RGS18: variants seen among roughly 807,000 people sequenced by gnomAD.
RGS18 encodes regulator of G-protein signaling 18.
Under a neutral mutation model 27.6 loss-of-function variants are expected in RGS18, and 22 were observed. The observed-to-expected ratio is 0.80, with a 90% CI of 0.57 to 1.14. RGS18 has a LOEUF of 1.14. Ranked by LOEUF, RGS18 falls within the 50% of genes most tolerant of loss-of-function variation. The probability of loss-of-function intolerance (pLI) is 0.00; values close to 1 mark genes in which losing one functional copy is unlikely to be tolerated. For synonymous variants in RGS18, 89 were observed against 84.6 expected (o/e 1.05, Z -0.29); for missense variants, 299 against 269.6 (o/e 1.11, Z -0.76).
rs957642711 is a variant in RGS18 at position 192,179,819 on chromosome 1, G to T, written c.284-1473G>T. The stretch of plus-strand genomic sequence containing the variant: ...AGTTAAAAAAAATTACATGTGGGGA[G>T]ATGTAAATGTGGCTGTAAAAGGGCA... On this transcript the variant is annotated intron_variant, in intron 3 of 4. Coordinates refer to ENST00000367460, the MANE Select transcript of RGS18 (RefSeq NM_130782.3). Among the ~76,000 whole-genome samples the T allele has an allele frequency of 4.0e-5, 6 of 151,676 alleles. No homozygotes were observed. In the South Asian group the frequency reaches 1.0e-3, roughly 26 times the overall value.
At chr1:192,176,660 A>G (rs1447125791) in intron 3 of RGS18, among the ~76,000 whole-genome samples, 2 of 151,640 alleles carry the variant, frequency 1.3e-5, no homozygotes, top group Non-Finnish European at 2.9e-5. Flanking sequence ...GGCTTTGTCC[A>G]CTTCTAAAAT....
Position 192,185,655 on chromosome 1 carries a change from G to A in RGS18, c.*1101G>A, listed in dbSNP as rs143874409. Reference sequence around the variant, plus strand: ...TTTAATTTTTAATGTGTGTTACATGGTCTGTAAATATTTGTATTTAAAAAT... The same window carrying A: ...TTTAATTTTTAATGTGTGTTACATGATCTGTAAATATTTGTATTTAAAAAT... On this transcript the variant is annotated 3_prime_UTR_variant, in exon 5 of 5. Transcript: ENST00000367460. 1.5e-3 allele frequency: 221 copies of A among 151,642 alleles called. 3 individuals carry two copies. The highest frequency in any genetic ancestry group is 4.9e-3 in the African/African-American group (204 of 41,454). The allele number at this position is 151,642 out of a possible 1,614,324, so 9.4% of individuals were successfully genotyped here.
At chr1:192,162,422 C>T (rs1656089965) in intron 3 of RGS18, among the ~76,000 whole-genome samples, 1 of 152,168 alleles carries the variant, frequency 6.6e-6, no homozygotes, top group Non-Finnish European at 1.5e-5. Flanking sequence ...GATTCTCCTG[C>T]CTCAGCCTCT....
chr1:192,172,864 CATATATATATATATATATAA>C lies in RGS18; in HGVS notation c.284-8414_284-8395del, dbSNP rs1357314985. 2.2e-4 allele frequency among the ~76,000 whole-genome samples: 30 copies of C among 135,544 alleles called. 1 individual carries two copies. Among genetic ancestry groups the C allele is most frequent in the Non-Finnish European group, 3.9e-4 (25 of 63,294 alleles). 88.9% of individuals were successfully genotyped at this position (135,544 alleles called of 152,430 possible). Reference sequence around the variant, plus strand: ...ACAATGCCTTCCTGAGAAAAATATGCATATATATATATATATATAAATATATATATATACACATATGTATA... The same window carrying C: ...ACAATGCCTTCCTGAGAAAAATATGCATATATATATATACACATATGTATA... On this transcript the variant is annotated intron_variant, in intron 3 of 4. Coordinates refer to ENST00000367460, the MANE Select transcript of RGS18 (RefSeq NM_130782.3).
chr1:192,163,440 C>G (rs1054841471), intron 3 of RGS18: 1 of 152,044 alleles, frequency 6.6e-6, no homozygotes, highest in Non-Finnish European at 1.5e-5. Flanking sequence ...ATGATTAGTC[C>G]TACAGAAAAT....
At chr1:192,166,986 C>T (rs187991867) in intron 3 of RGS18, among the ~76,000 whole-genome samples, 59 of 152,282 alleles carry the variant, frequency 3.9e-4, no homozygotes, top group African/African-American at 1.4e-3. Context: ...TCCACTACTA[C>T]GTAACTGTTC....
At chr1:192,177,474 G>A (rs1656377278) in intron 3 of RGS18, among the ~76,000 whole-genome samples, 1 of 151,120 alleles carries the variant, frequency 6.6e-6, no homozygotes, top group Non-Finnish European at 1.5e-5. Context: ...CTCATGTTGG[G>A]TACTGGAAAT....
chr1:192,168,163 G>A (rs1656193111), intron 3 of RGS18: 2 of 152,134 alleles, frequency 1.3e-5, no homozygotes, highest in African/African-American at 4.8e-5. Flanking sequence ...TATGAGAAAT[G>A]GTTCCATTGT....
At chr1:192,177,470 T>C (rs1656377202) in intron 3 of RGS18, among the ~76,000 whole-genome samples, 1 of 151,760 alleles carries the variant, frequency 6.6e-6, no homozygotes, top group Non-Finnish European at 1.5e-5. Context: ...ATTTCTCATG[T>C]TGGGTACTGG....
At chr1:192,162,283 T>TTTTGG (rs1403950425) in intron 3 of RGS18, among the ~76,000 whole-genome samples, 2 of 152,152 alleles carry the variant, frequency 1.3e-5, no homozygotes, top group Admixed American at 6.6e-5. Context: ...TTTTTTGTTT[T>TTTTGG]TTTGGTTTGT....
chr1:192,162,746 GT>G (rs2102150914), intron 3 of RGS18, among the ~76,000 whole-genome samples: 1 of 152,062 alleles, frequency 6.6e-6, no homozygotes, highest in South Asian at 2.1e-4. Flanking sequence ...CATAATTCAT[GT>G]CCCCCAAATG....
chr1:192,175,600 C>T (rs2102157802), intron 3 of RGS18, among the ~76,000 whole-genome samples: 1 of 151,900 alleles, frequency 6.6e-6, no homozygotes, highest in Middle Eastern at 3.4e-3. Flanking sequence ...AGCCAGAAAT[C>T]CAAAGTCATC....
chr1:192,165,930 T>C (rs1656155893), intron 3 of RGS18, among the ~76,000 whole-genome samples: 1 of 152,192 alleles, frequency 6.6e-6, no homozygotes, highest in Admixed American at 6.5e-5. Context: ...ACCAGTAATT[T>C]CTAAGGGCTA....
At chr1:192,166,583 G>GA (rs930176730) in intron 3 of RGS18, among the ~76,000 whole-genome samples, 162 of 146,900 alleles carry the variant, frequency 1.1e-3, no homozygotes, top group African/African-American at 3.3e-3. Flanking sequence ...GACCCGCTTA[G>GA]AAAAAAAAAA....
chr1:192,174,665 A>G (rs921395773), intron 3 of RGS18, among the ~76,000 whole-genome samples: 1 of 151,556 alleles, frequency 6.6e-6, no homozygotes, highest in Non-Finnish European at 1.5e-5. Flanking sequence ...AAACGGAAAT[A>G]CTCTTTATTT....
chr1:192,158,853 ATATAT>A, intron 1 of RGS18, 97 bp downstream of exon 1: 1 of 882,844 alleles, frequency 1.1e-6, no homozygotes, highest in South Asian at 1.7e-5. Flanking sequence ...TGGGTGGAAA[ATATAT>A]TGTTTGTATT....
chr1:192,181,436 T>C lies in RGS18; in HGVS notation c.428T>C (p.Ile143Thr). The stretch of plus-strand genomic sequence containing the variant: ...GCAAAAGCAATATATGAGAAATTTA[T>C]ACAGACTGATGCCCCAAAAGAGGTA... ...LKAKAIYEKF[I>T]QTDAPKEVNL... Residue 143 changes from isoleucine (I) to threonine (T), a missense_variant, in exon 4 of 5, where the codon ATA becomes ACA. Physicochemically the swap from Ile to Thr is moderately conservative, Grantham distance 89. Transcript: ENST00000367460. 1 of 1,568,278 alleles carries C rather than the reference T, an allele frequency of 6.4e-7. No homozygotes were observed. Among genetic ancestry groups the C allele is most frequent in the Non-Finnish European group, 8.6e-7 (1 of 1,162,142 alleles).
At chr1:192,167,243 GA>G (rs1448196905) in intron 3 of RGS18, among the ~76,000 whole-genome samples, 10 of 152,052 alleles carry the variant, frequency 6.6e-5, no homozygotes, top group Admixed American at 2.0e-4. Flanking sequence ...AGACTACAAG[GA>G]AATGCATACT....
At chr1:192,166,078 T>C (rs1407157100) in intron 3 of RGS18, among the ~76,000 whole-genome samples, 1 of 152,212 alleles carries the variant, frequency 6.6e-6, no homozygotes, top group East Asian at 1.9e-4. Flanking sequence ...TTTGAACTTA[T>C]AAAATCAGTT....
Sources: allele counts gnomAD v4.1 joint callset (sites outside exome capture counted in the v4.1 genomes callset), GRCh38; gene constraint gnomAD v4.1.1; transcripts MANE v1.5; gene names NCBI Gene and HGNC (gene_info 2026-07-23, HGNC 2026-07-21).